The following PLCG2 variants were observed in gnomAD, a reference collection of about 807,000 sequenced individuals.
PLCG2 encodes the protein phospholipase C gamma 2, also known as 1-phosphatidylinositol 4,5-bisphosphate phosphodiesterase gamma-2.
PLCG2 carries 69 observed loss-of-function variants against 175.6 expected under a neutral mutation model. That is an observed-to-expected ratio of 0.39 (90% CI 0.32 to 0.48). The LOEUF is 0.48. Among genes scored for constraint, PLCG2 ranks in the 20% least tolerant of loss-of-function variants. The pLI is 0.91. For synonymous variants in PLCG2, 827 were observed against 624.0 expected (o/e 1.33, Z -4.85); for missense variants, 1,798 against 1,650.9 (o/e 1.09, Z -1.54).
At chr16:81,789,311 G>A (rs999359586) in intron 2 of PLCG2, among the ~76,000 whole-genome samples, 5 of 152,210 alleles carry the variant, frequency 3.3e-5, no homozygotes, top group Admixed American at 1.3e-4. Flanking sequence ...CTGTTTTAGA[G>A]ACAGGGTCTT....
chr16:81,784,536 G>C (rs1489467838), intron 1 of PLCG2, among the ~76,000 whole-genome samples: 1 of 152,188 alleles, frequency 6.6e-6, no homozygotes. Context: ...GGTCTCTCTA[G>C]TGCTACTCTG....
chr16:81,896,225 G>C (rs1908879609), intron 13 of PLCG2, among the ~76,000 whole-genome samples: 1 of 152,098 alleles, frequency 6.6e-6, no homozygotes, highest in African/African-American at 2.4e-5. Flanking sequence ...CCCACTTTCA[G>C]AACCCCCGAA....
intron 2 of PLCG2, among the ~76,000 whole-genome samples, chr16:81,802,381 G>T (rs1408905500): frequency 6.6e-6 from 1 of 151,364 alleles, no homozygotes; most frequent in Non-Finnish European, 1.5e-5. Flanking sequence ...CAAAGTGCTG[G>T]GATTACAGGC....
rs1262361727 is a variant in PLCG2, at chr16:81,921,286, C to G, written c.2307+17C>G. 8 of 1,552,988 alleles carry G rather than the reference C, an allele frequency of 5.2e-6. No individual in the cohort carries two copies. The highest frequency in any genetic ancestry group is 1.1e-5 in the South Asian group (1 of 89,852). On this transcript the variant is annotated intron_variant, in intron 21 of 32. Transcript: ENST00000564138. The stretch of plus-strand genomic sequence containing the variant: ...CCGTCCATGGTACGGTGCCGAACCT[C>G]CAATTCACATGATTTTGGAGTCACG...
At chr16:81,746,021 C>T (rs1299440589) in intron 1 of PLCG2, among the ~76,000 whole-genome samples, 1 of 152,198 alleles carries the variant, frequency 6.6e-6, no homozygotes, top group Admixed American at 6.5e-5. Context: ...CAAGGGTGCA[C>T]TTCTGGGGAC....
intron 2 of PLCG2, among the ~76,000 whole-genome samples, chr16:81,844,456 C>A (rs923000189): frequency 2.6e-5 from 4 of 152,054 alleles, no homozygotes; most frequent in Admixed American, 6.6e-5. Context: ...CTAGTAACTG[C>A]GATTACAGGT....
In PLCG2 at chr16:81,895,952, T is replaced by A. The variant is rs751094376; in HGVS notation, c.1193+25T>A. 3 of 1,613,756 alleles carry A rather than the reference T, an allele frequency of 1.9e-6. No homozygotes were observed. In the South Asian group the frequency reaches 3.3e-5, roughly 18 times the overall value. ...GGTCAGTTGGCTGATTTCTGGGTGGTGTGACTTAAAGGGGAAGGCAGCTAG... is the reference window on the plus strand; with the variant it reads ...GGTCAGTTGGCTGATTTCTGGGTGGAGTGACTTAAAGGGGAAGGCAGCTAG... On this transcript the variant is annotated intron_variant, in intron 13 of 32. Coordinates refer to ENST00000564138, the MANE Select transcript of PLCG2 (RefSeq NM_002661.5).
Position 81,848,334 on chromosome 16 carries a change from G to A in PLCG2, c.194-6110G>A, listed in dbSNP as rs1257605119. Among the ~76,000 whole-genome samples the A allele has an allele frequency of 2.0e-5, 3 of 152,218 alleles. No homozygotes were observed. In the East Asian group the frequency reaches 5.8e-4, roughly 29 times the overall value. On this transcript the variant is annotated intron_variant, in intron 2 of 32. Coordinates refer to ENST00000564138, the MANE Select transcript of PLCG2 (RefSeq NM_002661.5). ...AAAGTCCTGGTTGATGAAGGCAGATGCCTGCAGCTCTTTCCTGGGGCAGGG... is the reference window on the plus strand; with the variant it reads ...AAAGTCCTGGTTGATGAAGGCAGATACCTGCAGCTCTTTCCTGGGGCAGGG...
chr16:81,890,974 C>G (rs559959916), intron 10 of PLCG2, among the ~76,000 whole-genome samples: 102 of 152,090 alleles, frequency 6.7e-4, no homozygotes, highest in Non-Finnish European at 1.2e-3. Flanking sequence ...ACCAGCCTGG[C>G]CGACATGGTA....
intron 31 of PLCG2, among the ~76,000 whole-genome samples, chr16:81,952,094 A>G (rs958609614): frequency 5.3e-5 from 8 of 152,168 alleles, no homozygotes; most frequent in South Asian, 2.1e-4. Flanking sequence ...ACCATAACAC[A>G]TTTAGGAGTA....
rs535463300 is a variant in PLCG2, at chr16:81,821,795, C to G, written c.194-32649C>G. ...GCAAATGCTTTGCATAACTTCCTAC[C>G]CAAAAGAAAAGGTTTTACTGCAAAC... On this transcript the variant is annotated intron_variant, in intron 2 of 32. Transcript: ENST00000564138. Among the ~76,000 whole-genome samples the G allele has an allele frequency of 5.0e-4, 76 of 152,252 alleles. No individual in the cohort carries two copies. The South Asian group carries it at 0.014, about 29-fold the overall frequency.
In PLCG2 at chr16:81,959,935, G is replaced by A. The variant is rs1390283046; in HGVS notation, c.*1937G>A. ...GTGCTAAGGCCTGCATCCCCTTTCT[G>A]CCCAAATGGGTTTTTTGCTACCATA... On this transcript the variant is annotated 3_prime_UTR_variant, in exon 33 of 33. Coordinates refer to ENST00000564138, the MANE Select transcript of PLCG2 (RefSeq NM_002661.5). The A allele has an allele frequency of 5.0e-6, 1 of 200,034 alleles. No homozygotes were observed. Among genetic ancestry groups the A allele is most frequent in the Non-Finnish European group, 1.0e-5 (1 of 96,944 alleles). 12.4% of individuals were successfully genotyped at this position (200,034 alleles called of 1,614,324 possible).
intron 10 of PLCG2, chr16:81,889,503 C>T (rs1218075345): frequency 2.3e-6 from 1 of 426,940 alleles, no homozygotes; most frequent in South Asian, 3.5e-5. Flanking sequence ...GCTGCCTAGA[C>T]AGAACCGATT....
chr16:81,944,183 A>C (rs1018540937), intron 30 of PLCG2, among the ~76,000 whole-genome samples: 1 of 152,224 alleles, frequency 6.6e-6, no homozygotes, highest in African/African-American at 2.4e-5. Flanking sequence ...TGTCTTTGTC[A>C]TACTTTGAAT....
chr16:81,817,277 T>A (rs1255309904), intron 2 of PLCG2, among the ~76,000 whole-genome samples: 1 of 152,312 alleles, frequency 6.6e-6, no homozygotes, highest in African/African-American at 2.4e-5. Context: ...CCATCCCCCA[T>A]GTATAAAATG....
chr16:81,778,674 G>T (rs1031960437), upstream of PLCG2, among the ~76,000 whole-genome samples: 3 of 152,210 alleles, frequency 2.0e-5, no homozygotes, highest in African/African-American at 7.2e-5. Context: ...GGAAACTGAG[G>T]CTGTCGGTTT....
chr16:81,908,296 T>G, intron 16 of PLCG2, 120 bp from the exon 17 acceptor site: 1 of 882,516 alleles, frequency 1.1e-6, no homozygotes, highest in Non-Finnish European at 1.8e-6. Context: ...GGGGACCAGC[T>G]GAGGCTGGCC....
chr16:81,820,603 T>C (rs189065773), intron 2 of PLCG2, among the ~76,000 whole-genome samples: 55 of 137,852 alleles, frequency 4.0e-4, no homozygotes, highest in Admixed American at 3.7e-3. Context: ...TTCCCCTCTG[T>C]ATAATGGGGA....
At position 81,858,266 on chromosome 16, in the gene PLCG2, A is replaced by G. The variant is rs1442300842; in HGVS notation, c.341A>G (p.Asp114Gly). 6.2e-7 allele frequency: 1 copy of G among 1,609,948 alleles called. No individual in the cohort carries two copies. Residue 114 changes from aspartate to glycine, a missense_variant, in exon 4 of 33, where the codon GAC (aspartate) becomes GGC (glycine). Asp to Gly is a moderately conservative substitution (Grantham distance 94). Coordinates refer to ENST00000564138, the MANE Select transcript of PLCG2 (RefSeq NM_002661.5). The stretch of plus-strand genomic sequence containing the variant: ...CTGTTCCCTTTCTCCACTCCAGCTG[A>G]CTCTAAAGAGGATGCAGTTAACTGG... ...FVLSTLSLAA[D>G]SKEDAVNWLS... is the part of the protein sequence containing the mutation.
Sources: gnomAD v4.1 joint callset for allele counts (sites outside exome capture counted in the v4.1 genomes callset) on GRCh38, gnomAD v4.1.1 for gene constraint, MANE v1.5 for transcripts, NCBI Gene and HGNC (gene_info 2026-07-23, HGNC 2026-07-21) for gene names.